FSTL4: variants seen among roughly 807,000 people sequenced by gnomAD.
The protein encoded by FSTL4 is follistatin-related protein 4.
A neutral mutation model predicts 78.2 loss-of-function variants in FSTL4; 28 were observed. The observed-to-expected ratio is 0.36, with a 90% CI of 0.27 to 0.49. FSTL4 has a LOEUF of 0.49. FSTL4 is among the 20% of genes least tolerant of loss of function. The pLI is 0.98. For synonymous variants in FSTL4, 422 were observed against 440.5 expected (o/e 0.96, Z 0.53); for missense variants, 922 against 1,084.9 (o/e 0.85, Z 2.11).
chr5:133,741,970 CCAGG>C, the FSTL4 span, among the ~76,000 whole-genome samples: 2 of 152,230 alleles, frequency 1.3e-5, no homozygotes, highest in East Asian at 3.8e-4. Flanking sequence ...CATCACCTCC[CCAGG>C]ACAAACAGCC....
intron 2 of FSTL4, among the ~76,000 whole-genome samples, chr5:133,594,806 C>A (rs1760708397): frequency 6.6e-6 from 1 of 152,204 alleles, no homozygotes; most frequent in Non-Finnish European, 1.5e-5. Context: ...AAAAAGAGTT[C>A]TGTTCTCTTT....
intron 4 of FSTL4, among the ~76,000 whole-genome samples, chr5:133,378,115 A>G (rs2126950337): frequency 6.6e-6 from 1 of 152,346 alleles, no homozygotes; most frequent in East Asian, 1.9e-4. Flanking sequence ...TCATTGCTAC[A>G]TACCCACTCT....
At chr5:133,645,458 C>T in the FSTL4 span, among the ~76,000 whole-genome samples, 2 of 152,118 alleles carry the variant, frequency 1.3e-5, no homozygotes, top group Non-Finnish European at 2.9e-5. Context: ...CTGAGGAAAG[C>T]TGGCTGGTTT....
At position 133,358,591 on chromosome 5, in the gene FSTL4, C is replaced by CTT. The variant is rs1173835923; in HGVS notation, c.410-41941_410-41940dup. The stretch of plus-strand genomic sequence containing the variant: ...GCCCATCCCAGCCAGGGTTCTATTT[C>CTT]TTTTTTTTTTTTTTTTTTTTTTGAG... On this transcript the variant is annotated intron_variant, in intron 4 of 15. Transcript: ENST00000265342. 3.9e-3 allele frequency among the ~76,000 whole-genome samples: 455 copies of CTT among 115,330 alleles called. 3 individuals carry two copies. Among genetic ancestry groups the CTT allele is most frequent in the African/African-American group, 6.1e-3 (180 of 29,636 alleles). The allele number at this position is 115,330 out of a possible 152,430, so 75.7% of individuals were successfully genotyped here. A position where few individuals can be genotyped will look rare whatever the true frequency, so the allele number is the denominator to read the frequency against.
At chr5:133,334,325 T>C (rs1237564579) in intron 4 of FSTL4, among the ~76,000 whole-genome samples, 1 of 152,232 alleles carries the variant, frequency 6.6e-6, no homozygotes, top group African/African-American at 2.4e-5. Flanking sequence ...TCATGGCCTC[T>C]GCTCTCTTCC....
At chr5:133,353,740 T>C (rs1294696029) in intron 4 of FSTL4, among the ~76,000 whole-genome samples, 1 of 152,166 alleles carries the variant, frequency 6.6e-6, no homozygotes, top group Non-Finnish European at 1.5e-5. Flanking sequence ...ACACACACAG[T>C]TGCCATCTGA....
intron 7 of FSTL4, among the ~76,000 whole-genome samples, chr5:133,241,070 T>G (rs530602176): frequency 1.3e-5 from 2 of 152,266 alleles, no homozygotes; most frequent in Admixed American, 6.5e-5. Flanking sequence ...TGGGTGAGCT[T>G]CTCTGGGAAA....
intron 4 of FSTL4, among the ~76,000 whole-genome samples, chr5:133,374,259 A>G (rs1240389076): frequency 1.3e-5 from 2 of 152,162 alleles, no homozygotes; most frequent in Non-Finnish European, 2.9e-5. Context: ...TTCGGTCATT[A>G]TGGAGGCAAA....
chr5:133,506,392 G>A (rs1022238734), intron 3 of FSTL4, among the ~76,000 whole-genome samples: 2 of 152,114 alleles, frequency 1.3e-5, no homozygotes, highest in African/African-American at 4.8e-5. Flanking sequence ...TCACACAGAT[G>A]AGTTGATTCT....
chr5:133,284,439 G>C (rs1216267055), intron 6 of FSTL4, among the ~76,000 whole-genome samples: 1 of 152,262 alleles, frequency 6.6e-6, no homozygotes, highest in Non-Finnish European at 1.5e-5. Context: ...AGTGGGACTG[G>C]AGGGAGGGGA....
intron 3 of FSTL4, among the ~76,000 whole-genome samples, chr5:133,454,101 G>GA (rs1424508240): frequency 6.6e-6 from 1 of 151,798 alleles, no homozygotes; most frequent in African/African-American, 2.4e-5. Flanking sequence ...CTCTTATCCA[G>GA]AAAACCACCA....
intron 4 of FSTL4, among the ~76,000 whole-genome samples, chr5:133,399,379 A>G (rs1756159090): frequency 6.6e-6 from 1 of 152,180 alleles, no homozygotes; most frequent in South Asian, 2.1e-4. Flanking sequence ...CATTAGCATC[A>G]TAAGCACAGC....
the FSTL4 span, among the ~76,000 whole-genome samples, chr5:133,794,645 A>G: frequency 6.6e-6 from 1 of 152,192 alleles, no homozygotes; most frequent in Non-Finnish European, 1.5e-5. Context: ...ATAAAACCTG[A>G]CAAGCTGCAG....
intron 4 of FSTL4, among the ~76,000 whole-genome samples, chr5:133,365,052 C>T (rs947876901): frequency 1.3e-5 from 2 of 152,084 alleles, no homozygotes; most frequent in Admixed American, 6.5e-5. Flanking sequence ...TCTATTTTAG[C>T]GCACAGAAGG....
intron 3 of FSTL4, among the ~76,000 whole-genome samples, chr5:133,424,535 G>A (rs992970449): frequency 6.6e-6 from 1 of 152,194 alleles, no homozygotes; most frequent in Non-Finnish European, 1.5e-5. Flanking sequence ...AGGGGCACCT[G>A]GGTTCTCTAC....
intron 3 of FSTL4, among the ~76,000 whole-genome samples, chr5:133,525,318 T>C (rs1759071003): frequency 6.6e-6 from 1 of 152,232 alleles, no homozygotes; most frequent in Non-Finnish European, 1.5e-5. Flanking sequence ...CATGTCTGGT[T>C]AGCCTGTGCC....
At chr5:133,701,769 G>A in the FSTL4 span, among the ~76,000 whole-genome samples, 14 of 152,262 alleles carry the variant, frequency 9.2e-5, no homozygotes, top group Middle Eastern at 3.4e-3. Flanking sequence ...AGTAGAACAC[G>A]TTTGCGTGTT....
intron 4 of FSTL4, among the ~76,000 whole-genome samples, chr5:133,353,200 C>T (rs1754867204): frequency 2.0e-5 from 3 of 152,232 alleles, no homozygotes; most frequent in Admixed American, 2.0e-4. Context: ...CCTGCTCCTC[C>T]ACCCCTTCAA....
the FSTL4 span, among the ~76,000 whole-genome samples, chr5:133,646,876 G>A: frequency 6.6e-6 from 1 of 152,082 alleles, no homozygotes; most frequent in African/African-American, 2.4e-5. Flanking sequence ...AAAGTCTTCT[G>A]AGTTAGAAAA....
Sources: gnomAD v4.1 joint callset for allele counts (sites outside exome capture counted in the v4.1 genomes callset) on GRCh38, gnomAD v4.1.1 for gene constraint, MANE v1.5 for transcripts, NCBI Gene and HGNC (gene_info 2026-07-23, HGNC 2026-07-21) for gene names.